The following PDE4D variants were observed in gnomAD, a reference collection of about 807,000 sequenced individuals.
PDE4D encodes 3',5'-cyclic-AMP phosphodiesterase 4D.
In PDE4D, 24 loss-of-function variants were observed where a neutral mutation model predicts 87.4. The ratio of observed to expected loss-of-function variants is 0.27; its 90% CI spans 0.20 to 0.39. The LOEUF (loss-of-function observed/expected upper bound fraction) is 0.39. Ranked by LOEUF, PDE4D falls within the 10% of genes least tolerant of loss-of-function variation. The pLI is 1.00. For synonymous variants in PDE4D, 384 were observed against 383.2 expected (o/e 1.00, Z -0.02); for missense variants, 714 against 1,041.0 (o/e 0.69, Z 4.32).
chr5:60,157,812 G>T (rs1234390063), intron 2 of PDE4D, among the ~76,000 whole-genome samples: 1 of 152,028 alleles, frequency 6.6e-6, no homozygotes, highest in African/African-American at 2.4e-5. Flanking sequence ...ATAATAATGT[G>T]ATATTATTTA....
chr5:59,677,381 C>T (rs558919756), intron 1 of PDE4D, among the ~76,000 whole-genome samples: 7 of 152,166 alleles, frequency 4.6e-5, no homozygotes, highest in South Asian at 2.1e-4. Context: ...TCTAAGTAGA[C>T]GTTTAAGGCT....
chr5:59,871,388 C>T (rs1271298667), intron 1 of PDE4D, among the ~76,000 whole-genome samples: 1 of 152,152 alleles, frequency 6.6e-6, no homozygotes, highest in Non-Finnish European at 1.5e-5. Flanking sequence ...CTGGCCAACA[C>T]CTTTCTTAAA....
In PDE4D at chr5:59,515,246, T is replaced by C. The variant is rs549876946; in HGVS notation, c.456-299278A>G. 2.0e-5 allele frequency among the ~76,000 whole-genome samples: 3 copies of C among 152,366 alleles called. No homozygotes were observed. In the South Asian group the frequency reaches 6.2e-4, roughly 32 times the overall value. On this transcript the variant is annotated intron_variant, in intron 1 of 14. Coordinates refer to ENST00000340635, the MANE Select transcript of PDE4D (RefSeq NM_001104631.2). Reference sequence around the variant, plus strand: ...AATTGTAGACACAAGTAAAGAATGCTTGTTCTCTCCATTTCTATTTAACAG... The same window carrying C: ...AATTGTAGACACAAGTAAAGAATGCCTGTTCTCTCCATTTCTATTTAACAG...
intron 1 of PDE4D, among the ~76,000 whole-genome samples, chr5:60,231,928 G>T (rs1026037952): frequency 1.4e-4 from 22 of 151,946 alleles, no homozygotes; most frequent in African/African-American, 5.3e-4. Flanking sequence ...GACAATAAAT[G>T]TTGGAGACAT....
At chr5:59,631,251 C>T (rs2150148050) in intron 1 of PDE4D, among the ~76,000 whole-genome samples, 1 of 152,160 alleles carries the variant, frequency 6.6e-6, no homozygotes, top group East Asian at 1.9e-4. Flanking sequence ...AGGTGAGTTG[C>T]CCAAAGTTCC....
chr5:60,492,475 A>G (rs562247456), upstream of PDE4D, among the ~76,000 whole-genome samples: 1 of 152,258 alleles, frequency 6.6e-6, no homozygotes, highest in African/African-American at 2.4e-5. Context: ...AATAGAAATA[A>G]AATTGTTTTT....
intron 1 of PDE4D, among the ~76,000 whole-genome samples, chr5:60,312,291 A>G (rs989628741): frequency 7.2e-5 from 11 of 152,172 alleles, no homozygotes; most frequent in African/African-American, 2.7e-4. Flanking sequence ...CAACCACACA[A>G]TGTGTCATAA....
At chr5:60,084,008 G>T (rs770049749) in intron 2 of PDE4D, among the ~76,000 whole-genome samples, 2 of 152,026 alleles carry the variant, frequency 1.3e-5, no homozygotes, top group Non-Finnish European at 2.9e-5. Context: ...GCGAACTGAG[G>T]CGTCTCTGGC....
intron 1 of PDE4D, among the ~76,000 whole-genome samples, chr5:59,256,501 TACCA>T (rs1173703226): frequency 6.6e-6 from 1 of 152,156 alleles, no homozygotes; most frequent in East Asian, 1.9e-4. Context: ...AAACATCAAC[TACCA>T]AGCCCCAATT....
intron 6 of PDE4D, among the ~76,000 whole-genome samples, chr5:59,030,826 T>A (rs1403334943): frequency 6.6e-6 from 1 of 152,180 alleles, no homozygotes; most frequent in African/African-American, 2.4e-5. Flanking sequence ...GAATGACTAT[T>A]TTCCTTTTTT....
chr5:60,435,713 G>T (rs1744706096), intron 1 of PDE4D, among the ~76,000 whole-genome samples: 1 of 151,922 alleles, frequency 6.6e-6, no homozygotes, highest in African/African-American at 2.4e-5. Flanking sequence ...GACTCTCTTT[G>T]CTTAGAAGTC....
intron 6 of PDE4D, among the ~76,000 whole-genome samples, chr5:59,023,925 T>TG (rs1686673959): frequency 6.8e-6 from 1 of 146,972 alleles, no homozygotes; most frequent in Non-Finnish European, 1.5e-5. Flanking sequence ...TTTTTTGAGA[T>TG]GGAGTCTCAC....
intron 5 of PDE4D, among the ~76,000 whole-genome samples, chr5:59,055,196 A>G (rs1762158200): frequency 6.6e-6 from 1 of 152,152 alleles, no homozygotes; most frequent in South Asian, 2.1e-4. Context: ...TAGGCATTTC[A>G]TTGGCAAATG....
rs187863214 is a variant in PDE4D, at chr5:59,406,941, T to C, written c.456-190973A>G. ...TTGCATTAGGCTTTTTGTTGAAGAA[T>C]TTCCTCAGAGTTTTGTGGAGACTTG... On this transcript the variant is annotated intron_variant, in intron 1 of 14. Transcript: ENST00000340635. Among the ~76,000 whole-genome samples the C allele has an allele frequency of 1.3e-3, 199 of 152,316 alleles. 2 individuals carry two copies. Among genetic ancestry groups the C allele is most frequent in the African/African-American group, 4.5e-3 (187 of 41,570 alleles).
intron 2 of PDE4D, among the ~76,000 whole-genome samples, chr5:59,992,350 A>G (rs1243386762): frequency 6.6e-6 from 1 of 152,050 alleles, no homozygotes; most frequent in Admixed American, 6.6e-5. Flanking sequence ...CTTGCTCCTC[A>G]GCTTACAGAC....
At chr5:60,021,955 C>G (rs1766109151) in intron 2 of PDE4D, 1 of 152,202 alleles carries the variant, frequency 6.6e-6, no homozygotes, top group South Asian at 2.1e-4. Context: ...CCAAGTGATT[C>G]TTCTGACTTG....
intron 1 of PDE4D, among the ~76,000 whole-genome samples, chr5:59,575,205 A>G (rs1489671170): frequency 6.6e-6 from 1 of 152,170 alleles, no homozygotes; most frequent in South Asian, 2.1e-4. Context: ...ACAGTGAAAG[A>G]TGTATAAAAA....
intron 1 of PDE4D, among the ~76,000 whole-genome samples, chr5:59,631,545 C>A (rs1428652263): frequency 6.6e-6 from 1 of 152,016 alleles, no homozygotes; most frequent in Non-Finnish European, 1.5e-5. Context: ...AACTGAGGTA[C>A]CCAGCTCATC....
At chr5:60,337,546 T>A (rs1225747559) in intron 1 of PDE4D, among the ~76,000 whole-genome samples, 2 of 151,516 alleles carry the variant, frequency 1.3e-5, no homozygotes, top group Non-Finnish European at 2.9e-5. Context: ...CATGACTATA[T>A]GCATCTGTCA....
Sources: allele counts gnomAD v4.1 joint callset (sites outside exome capture counted in the v4.1 genomes callset), GRCh38; gene constraint gnomAD v4.1.1; transcripts MANE v1.5; gene names NCBI Gene and HGNC (gene_info 2026-07-23, HGNC 2026-07-21).